Variants in SYT16 observed in about 807,000 individuals in gnomAD.
SYT16 encodes the protein synaptotagmin 16.
A neutral mutation model predicts 61.4 loss-of-function variants in SYT16; 42 were observed. The ratio of observed to expected loss-of-function variants is 0.68; its 90% CI spans 0.53 to 0.89. SYT16 has a LOEUF of 0.89. SYT16 is among the 40% of genes least tolerant of loss of function. SYT16 has a pLI of 0.00. For synonymous variants in SYT16, 314 were observed against 302.3 expected, an observed-to-expected ratio of 1.04 and a Z score of -0.40; for missense variants, 804 against 807.3, an observed-to-expected ratio of 1.00 and a Z score of 0.05.
intron 7 of SYT16, among the ~76,000 whole-genome samples, chr14:62,096,851 T>A (rs974946855): frequency 6.6e-6 from 1 of 152,152 alleles, no homozygotes; most frequent in African/African-American, 2.4e-5. Flanking sequence ...TAGTAGCACA[T>A]GTGACAAATT....
chr14:61,922,988 G>T (rs1431265953), intron 1 of SYT16, among the ~76,000 whole-genome samples: 2 of 150,758 alleles, frequency 1.3e-5, no homozygotes, highest in Admixed American at 6.6e-5. Flanking sequence ...GGCAGAGGTT[G>T]CAGTGAGACG....
At chr14:62,026,229 T>C (rs537076603) in intron 3 of SYT16, among the ~76,000 whole-genome samples, 1 of 152,316 alleles carries the variant, frequency 6.6e-6, no homozygotes, top group South Asian at 2.1e-4. Context: ...ATCCATACAA[T>C]TGTCATATCA....
intron 3 of SYT16, among the ~76,000 whole-genome samples, chr14:62,065,333 G>A (rs1318672985): frequency 6.6e-6 from 1 of 152,074 alleles, no homozygotes; most frequent in East Asian, 1.9e-4. Flanking sequence ...TCTGTCTTTT[G>A]TTTCTATCTA....
intron 2 of SYT16, among the ~76,000 whole-genome samples, chr14:61,970,705 A>C (rs2051509977): frequency 6.6e-6 from 1 of 152,184 alleles, no homozygotes; most frequent in Admixed American, 6.5e-5. Flanking sequence ...TTACTCTTTA[A>C]GCTCACTGAG....
At chr14:61,909,436 C>T (rs140329123) in intron 1 of SYT16, among the ~76,000 whole-genome samples, 1 of 152,284 alleles carries the variant, frequency 6.6e-6, no homozygotes, top group Non-Finnish European at 1.5e-5. Flanking sequence ...TTCTTTGCCT[C>T]CCCTTATGGC....
chr14:61,906,200 G>C (rs1178201552), intron 1 of SYT16, among the ~76,000 whole-genome samples: 2 of 152,218 alleles, frequency 1.3e-5, no homozygotes, highest in African/African-American at 4.8e-5. Flanking sequence ...TCAGAGAAAG[G>C]GAGAGGGCTG....
intron 3 of SYT16, among the ~76,000 whole-genome samples, chr14:62,022,047 T>G (rs2053930197): frequency 6.6e-6 from 1 of 151,966 alleles, no homozygotes; most frequent in East Asian, 1.9e-4. Context: ...CTTTTTCTTT[T>G]TTTTTTTTAA....
chr14:61,930,619 C>A (rs1275696922), intron 1 of SYT16, among the ~76,000 whole-genome samples: 1 of 151,978 alleles, frequency 6.6e-6, no homozygotes, highest in East Asian at 1.9e-4. Flanking sequence ...ACATCCTAAT[C>A]CCCAGGACCC....
chr14:61,865,226 C>T, intron 1 of SYT16: 1 of 1,032,078 alleles, frequency 9.7e-7, no homozygotes, highest in South Asian at 1.3e-5. Context: ...TGGGGCACCC[C>T]ATCTGTTGCT....
intron 1 of SYT16, among the ~76,000 whole-genome samples, chr14:61,837,073 TTA>T (rs1192616560): frequency 6.6e-6 from 1 of 152,124 alleles, no homozygotes; most frequent in Non-Finnish European, 1.5e-5. Context: ...GACATTGAGC[TTA>T]TCTTTCTTCC....
rs564639394 is a variant in SYT16 at position 61,989,636 on chromosome 14, T to C, written c.-144-6240T>C. ...CCATGGTGAGTTGCAAGAGTAGTGA[T>C]TTTCCTGAGATCTTACTAGGATCTC... On this transcript the variant is annotated intron_variant, in intron 2 of 7. Transcript: ENST00000683842. Among the ~76,000 whole-genome samples, 8 of 152,280 alleles carry C rather than the reference T, an allele frequency of 5.3e-5. No individual in the cohort carries two copies. In the South Asian group the frequency reaches 8.3e-4, roughly 16 times the overall value.
intron 3 of SYT16, among the ~76,000 whole-genome samples, chr14:62,002,498 T>A (rs1461403914): frequency 6.6e-6 from 1 of 152,112 alleles, no homozygotes; most frequent in Non-Finnish European, 1.5e-5. Context: ...TGTTTGCTAG[T>A]GTGATGTGGT....
At chr14:62,046,737 C>T (rs1312664493) in intron 3 of SYT16, among the ~76,000 whole-genome samples, 6 of 152,126 alleles carry the variant, frequency 3.9e-5, no homozygotes, top group Non-Finnish European at 2.9e-5. Flanking sequence ...TTGTTTTTGT[C>T]AAGTTTGTCA....
chr14:61,880,566 T>C (rs775176130), intron 1 of SYT16, among the ~76,000 whole-genome samples: 5 of 152,220 alleles, frequency 3.3e-5, no homozygotes, highest in Non-Finnish European at 7.3e-5. Flanking sequence ...AAGAATTAAA[T>C]CACTGCAAAA....
intron 4 of SYT16, among the ~76,000 whole-genome samples, chr14:62,070,890 A>G (rs2056273164): frequency 6.6e-6 from 1 of 152,132 alleles, no homozygotes; most frequent in Admixed American, 6.5e-5. Flanking sequence ...GATAAAAAGG[A>G]GGGTGCAGAA....
intron 2 of SYT16, among the ~76,000 whole-genome samples, chr14:61,990,731 C>T (rs997699800): frequency 9.9e-5 from 15 of 152,106 alleles, no homozygotes; most frequent in Non-Finnish European, 2.2e-4. Flanking sequence ...CTGCAAGCAA[C>T]CCCATCAGAT....
At chr14:61,894,842 C>G (rs1422618740) in intron 1 of SYT16, among the ~76,000 whole-genome samples, 1 of 152,160 alleles carries the variant, frequency 6.6e-6, no homozygotes, top group Non-Finnish European at 1.5e-5. Context: ...ATATTTACCA[C>G]TAAGGACTTT....
intron 1 of SYT16, among the ~76,000 whole-genome samples, chr14:61,915,207 G>A (rs1594903641): frequency 6.6e-6 from 1 of 152,280 alleles, no homozygotes; most frequent in East Asian, 1.9e-4. Context: ...GGGTGGTAAA[G>A]TGGTTAGATG....
intron 3 of SYT16, among the ~76,000 whole-genome samples, chr14:62,016,881 A>T (rs564129064): frequency 2.1e-4 from 32 of 152,290 alleles, no homozygotes; most frequent in Non-Finnish European, 3.8e-4. Flanking sequence ...ACTCTTTAGA[A>T]CAGGGACCCC....
Sources: allele counts gnomAD v4.1 joint callset (sites outside exome capture counted in the v4.1 genomes callset), GRCh38; gene constraint gnomAD v4.1.1; transcripts MANE v1.5; gene names NCBI Gene and HGNC (gene_info 2026-07-23, HGNC 2026-07-21).